The following ZNF713 variants were observed in gnomAD, a reference collection of about 807,000 sequenced individuals.
ZNF713 encodes zinc finger protein 713.
ZNF713 carries 21 observed loss-of-function variants against 28.7 expected under a neutral mutation model. The ratio of observed to expected loss-of-function variants is 0.73; its 90% CI spans 0.52 to 1.05. ZNF713 has a LOEUF of 1.05. Ranked by LOEUF, ZNF713 falls within the 50% of genes least tolerant of loss-of-function variation. The pLI is 0.00. For synonymous variants in ZNF713, 167 were observed against 178.0 expected (o/e 0.94, Z 0.49); for missense variants, 458 against 532.4 (o/e 0.86, Z 1.37).
chr7:55,908,598 T>G (rs995997773), intron 2 of ZNF713, among the ~76,000 whole-genome samples: 60 of 147,592 alleles, frequency 4.1e-4, no homozygotes, highest in Non-Finnish European at 6.6e-4. Flanking sequence ...TTTTGATGGG[T>G]TTTTTTTTTT....
chr7:55,938,011 C>T (rs916928190), intron 6 of ZNF713, among the ~76,000 whole-genome samples: 1 of 152,194 alleles, frequency 6.6e-6, no homozygotes, highest in East Asian at 1.9e-4. Flanking sequence ...TGAGATCAGC[C>T]TGGCCAACAT....
chr7:55,923,040 C>CA (rs1255379134), intron 4 of ZNF713, 122 bp from the exon 5 acceptor site: 6 of 1,102,370 alleles, frequency 5.4e-6, no homozygotes, highest in African/African-American at 4.8e-5. Flanking sequence ...CTGAACAACT[C>CA]AGAGTCCTGA....
chr7:55,926,225 G>A (rs891868229), intron 6 of ZNF713, among the ~76,000 whole-genome samples: 8 of 152,216 alleles, frequency 5.3e-5, no homozygotes, highest in South Asian at 2.1e-4. Context: ...CAGGAAAATC[G>A]TTTGAATCTG....
rs1483593956 is a variant in ZNF713 at position 55,939,964 on chromosome 7, T to C, written c.1290T>C (p.Cys430=). ...GGGAGAAATTATGTGAATATAAATG[T>C]GAGCAAACTGTTCGCCACAGTCCTT... ...HTREKLCEYK[C]EQTVRHSPSF... The change falls in exon 7 of 7, where the codon TGT becomes TGC. Residue 430 remains cysteine, a synonymous_variant. Coordinates refer to ENST00000429591, the MANE Select transcript of ZNF713 (RefSeq NM_182633.3). 1.2e-6 allele frequency: 2 copies of C among 1,606,740 alleles called. No homozygotes were observed. Among genetic ancestry groups the C allele is most frequent in the South Asian group, 2.2e-5 (2 of 90,380 alleles).
intron 1 of ZNF713, among the ~76,000 whole-genome samples, chr7:55,905,301 A>G (rs1478627786): frequency 2.0e-5 from 3 of 152,064 alleles, no homozygotes; most frequent in African/African-American, 7.2e-5. Context: ...TCAGATTCTG[A>G]CCTAGGAGCT....
At chr7:55,921,225 A>G (rs1248326755) in intron 4 of ZNF713, among the ~76,000 whole-genome samples, 1 of 152,160 alleles carries the variant, frequency 6.6e-6, no homozygotes, top group East Asian at 1.9e-4. Flanking sequence ...CTGCTCATTG[A>G]CAATGCACCT....
chr7:55,933,985 A>G (rs1786294291), intron 6 of ZNF713, among the ~76,000 whole-genome samples: 2 of 152,184 alleles, frequency 1.3e-5, no homozygotes, highest in Non-Finnish European at 2.9e-5. Flanking sequence ...GATTACAGGC[A>G]AGAGCCACCA....
At chr7:55,936,264 C>CAAAA (rs5884432) in intron 6 of ZNF713, among the ~76,000 whole-genome samples, 2,252 of 130,628 alleles carry the variant, frequency 0.017, 39 homozygotes, top group African/African-American at 0.041. Flanking sequence ...GACTCTGTCC[C>CAAAA]AAAAAAAAAA....
chr7:55,931,555 CCCT>C (rs1786210120), intron 6 of ZNF713, among the ~76,000 whole-genome samples: 1 of 151,394 alleles, frequency 6.6e-6, no homozygotes, highest in South Asian at 2.1e-4. Flanking sequence ...CTAATTCTCT[CCCT>C]CCTTTCCCTC....
intron 4 of ZNF713, among the ~76,000 whole-genome samples, chr7:55,914,800 A>G (rs185738254): frequency 6.6e-6 from 1 of 152,260 alleles, no homozygotes. Context: ...TTTGGTGTAT[A>G]TTAGTGCTTT....
chr7:55,890,007 C>A (rs1481593692), intron 1 of ZNF713, among the ~76,000 whole-genome samples: 1 of 152,166 alleles, frequency 6.6e-6, no homozygotes, highest in Non-Finnish European at 1.5e-5. Flanking sequence ...TTCCAGTGAA[C>A]CTCTCTTCCT....
chr7:55,917,145 C>T lies in ZNF713; in HGVS notation c.87+4422C>T, dbSNP rs368453521. Among the ~76,000 whole-genome samples the T allele has an allele frequency of 2.9e-3, 434 of 151,504 alleles. 8 individuals are homozygous for T. The South Asian group carries it at 0.04, about 14-fold the overall frequency. ...AGGAGAATGGCGTGAACCCGGGAGGCGGAGCTTGCAGTGAGCCGAGATTGC... is the reference window on the plus strand; with the variant it reads ...AGGAGAATGGCGTGAACCCGGGAGGTGGAGCTTGCAGTGAGCCGAGATTGC... On this transcript the variant is annotated intron_variant, in intron 4 of 6. Transcript: ENST00000429591.
At chr7:55,919,497 T>G (rs1452571572) in intron 4 of ZNF713, among the ~76,000 whole-genome samples, 21 of 44,964 alleles carry the variant, frequency 4.7e-4, no homozygotes, top group African/African-American at 2.7e-3. Context: ...CCAGTTTTTT[T>G]TTTTTTTTTT....
chr7:55,895,459 T>C (rs1224709429), intron 1 of ZNF713, among the ~76,000 whole-genome samples: 1 of 17,310 alleles, frequency 5.8e-5, no homozygotes, highest in Non-Finnish European at 8.6e-5. Flanking sequence ...CTCTTTTTTT[T>C]TTTTTTTTTT....
At chr7:55,892,812 A>G (rs1785411619) in intron 1 of ZNF713, among the ~76,000 whole-genome samples, 1 of 148,636 alleles carries the variant, frequency 6.7e-6, no homozygotes, top group African/African-American at 2.5e-5. Flanking sequence ...GTGAGGTTGC[A>G]GTGAACCGAG....
intron 1 of ZNF713, among the ~76,000 whole-genome samples, chr7:55,894,912 T>C (rs1785446291): frequency 6.6e-6 from 1 of 152,218 alleles, no homozygotes; most frequent in Non-Finnish European, 1.5e-5. Flanking sequence ...TTTAATAATA[T>C]GTGCATGTGT....
At chr7:55,921,920 T>TGTTG (rs1015594696) in intron 4 of ZNF713, among the ~76,000 whole-genome samples, 1 of 152,118 alleles carries the variant, frequency 6.6e-6, no homozygotes, top group East Asian at 1.9e-4. Flanking sequence ...TATTGCTGTC[T>TGTTG]TTTGTTTGTT....
At chr7:55,890,375 G>T (rs538463668) in intron 1 of ZNF713, among the ~76,000 whole-genome samples, 3 of 150,998 alleles carry the variant, frequency 2.0e-5, no homozygotes, top group Non-Finnish European at 4.4e-5. Context: ...GCTTGAACCC[G>T]GGAGGCAGAG....
chr7:55,920,857 G>A (rs759954914), intron 4 of ZNF713, among the ~76,000 whole-genome samples: 1 of 152,090 alleles, frequency 6.6e-6, no homozygotes, highest in Non-Finnish European at 1.5e-5. Flanking sequence ...CTGACCTCAA[G>A]TGATCCTCCT....
Sources: gnomAD v4.1 joint callset for allele counts (sites outside exome capture counted in the v4.1 genomes callset) on GRCh38, gnomAD v4.1.1 for gene constraint, MANE v1.5 for transcripts, NCBI Gene and HGNC (gene_info 2026-07-23, HGNC 2026-07-21) for gene names.